Variants in AGMO observed in about 807,000 individuals in gnomAD.
AGMO encodes the protein alkylglycerol monooxygenase.
AGMO carries 75 observed loss-of-function variants against 60.2 expected under a neutral mutation model. That is an observed-to-expected ratio of 1.25 (90% CI 1.03 to 1.51). The LOEUF (loss-of-function observed/expected upper bound fraction) is 1.51. AGMO is among the 40% of genes most tolerant of loss of function. The pLI is 0.00. For missense variants in AGMO, 763 were observed against 525.5 expected (o/e 1.45, Z -4.42); for synonymous variants, 261 against 177.1 (o/e 1.47, Z -3.76).
At chr7:15,216,781 T>A (rs974006596) in intron 12 of AGMO, among the ~76,000 whole-genome samples, 1 of 151,782 alleles carries the variant, frequency 6.6e-6, no homozygotes, top group Non-Finnish European at 1.5e-5. Flanking sequence ...CACATATCAA[T>A]TGAGCATGCA....
intron 3 of AGMO, among the ~76,000 whole-genome samples, chr7:15,521,600 A>G (rs532113417): frequency 8.5e-5 from 13 of 152,192 alleles, no homozygotes; most frequent in Non-Finnish European, 1.9e-4. Context: ...CAAAAAACAC[A>G]TGATTATCTC....
At chr7:15,163,997 G>C in the AGMO span, among the ~76,000 whole-genome samples, 1 of 151,786 alleles carries the variant, frequency 6.6e-6, no homozygotes. Context: ...CTTATTACTG[G>C]CTCTGTAAGG....
intron 12 of AGMO, among the ~76,000 whole-genome samples, chr7:15,352,346 T>C (rs1782272628): frequency 6.6e-6 from 1 of 152,156 alleles, no homozygotes; most frequent in South Asian, 2.1e-4. Context: ...TTTTACCGCC[T>C]GAAACTGCAG....
the AGMO span, among the ~76,000 whole-genome samples, chr7:15,155,740 GT>G: frequency 1.3e-5 from 2 of 152,082 alleles, no homozygotes; most frequent in African/African-American, 2.4e-5. Context: ...TCTTGCACTG[GT>G]TGTTTCTCAT....
intron 10 of AGMO, among the ~76,000 whole-genome samples, chr7:15,369,963 G>GT (rs1203643752): frequency 6.6e-6 from 1 of 152,064 alleles, no homozygotes; most frequent in Non-Finnish European, 1.5e-5. Context: ...TGTTACATTA[G>GT]TATATTGCCT....
At chr7:15,156,046 G>A in the AGMO span, among the ~76,000 whole-genome samples, 11 of 152,204 alleles carry the variant, frequency 7.2e-5, no homozygotes, top group Non-Finnish European at 1.6e-4. Context: ...TGGCAACTAC[G>A]CTCTAATGGG....
At chr7:15,190,135 A>T in the AGMO span, among the ~76,000 whole-genome samples, 3 of 1,596 alleles carry the variant, frequency 1.9e-3, no homozygotes, top group Non-Finnish European at 4.0e-3. Flanking sequence ...ATTTATATAT[A>T]TATATATATA....
intron 10 of AGMO, among the ~76,000 whole-genome samples, chr7:15,377,972 C>T (rs1407054986): frequency 6.6e-6 from 1 of 151,962 alleles, no homozygotes; most frequent in Non-Finnish European, 1.5e-5. Context: ...ATTTTGGGGG[C>T]TAAAGCCAAA....
At chr7:15,398,587 C>G (rs527429826) in intron 5 of AGMO, among the ~76,000 whole-genome samples, 1 of 152,258 alleles carries the variant, frequency 6.6e-6, no homozygotes, top group East Asian at 1.9e-4. Flanking sequence ...GCTTAATTAT[C>G]GCCTATTTTT....
the AGMO span, among the ~76,000 whole-genome samples, chr7:15,136,645 G>A: frequency 2.6e-5 from 4 of 151,976 alleles, no homozygotes; most frequent in African/African-American, 9.7e-5. Context: ...GAAAAATAAC[G>A]TGTTTTCTTA....
chr7:15,338,923 G>T (rs2128548042), intron 12 of AGMO, among the ~76,000 whole-genome samples: 1 of 152,306 alleles, frequency 6.6e-6, no homozygotes, highest in Admixed American at 6.5e-5. Flanking sequence ...GTAGAAGGTT[G>T]GTTGGCAAGT....
chr7:15,503,948 A>G (rs1324418956), intron 3 of AGMO, among the ~76,000 whole-genome samples: 1 of 152,014 alleles, frequency 6.6e-6, no homozygotes, highest in Non-Finnish European at 1.5e-5. Context: ...TTTTCAGGTT[A>G]CAAAGGGAGA....
At chr7:15,118,355 T>C in the AGMO span, among the ~76,000 whole-genome samples, 1 of 152,150 alleles carries the variant, frequency 6.6e-6, no homozygotes, top group Admixed American at 6.6e-5. Context: ...GGGGAGATTA[T>C]AGTTACATGC....
chr7:15,120,276 G>A, the AGMO span, among the ~76,000 whole-genome samples: 5 of 152,136 alleles, frequency 3.3e-5, no homozygotes, highest in South Asian at 4.1e-4. Context: ...CACCAGTGAT[G>A]TTCAAACTGA....
chr7:15,408,183 T>C (rs1261518850), intron 5 of AGMO, among the ~76,000 whole-genome samples: 1 of 151,946 alleles, frequency 6.6e-6, no homozygotes, highest in East Asian at 1.9e-4. Context: ...GGCTGACTTA[T>C]GGGATGGGAT....
the AGMO span, among the ~76,000 whole-genome samples, chr7:15,154,761 A>G: frequency 6.6e-6 from 1 of 152,140 alleles, no homozygotes. Context: ...ATGTTTAGCA[A>G]TTCCTTAAGG....
chr7:15,227,068 G>C lies in AGMO; in HGVS notation c.1264-25709C>G, dbSNP rs1175162477. On this transcript the variant is annotated intron_variant, in intron 12 of 12. Transcript: ENST00000342526. Reference sequence around the variant, plus strand: ...CTTCCTTAACTTCATCTTTTTCCTAGAACCAGCTTACCTCGATTTTATTGT... The same window carrying C: ...CTTCCTTAACTTCATCTTTTTCCTACAACCAGCTTACCTCGATTTTATTGT... Among the ~76,000 whole-genome samples, 6 of 152,076 alleles carry C rather than the reference G, an allele frequency of 3.9e-5. No individual in the cohort carries two copies. The East Asian group carries it at 7.7e-4, about 20-fold the overall frequency.
intron 5 of AGMO, among the ~76,000 whole-genome samples, chr7:15,396,812 G>T (rs1219831503): frequency 6.6e-6 from 1 of 152,080 alleles, no homozygotes; most frequent in African/African-American, 2.4e-5. Context: ...ACAGAGAGCT[G>T]ATTGGTCCAT....
chr7:15,267,337 C>T (rs1307037129), intron 12 of AGMO, among the ~76,000 whole-genome samples: 1 of 151,734 alleles, frequency 6.6e-6, no homozygotes, highest in Non-Finnish European at 1.5e-5. Flanking sequence ...TAGCTAGTAT[C>T]AGTATTAAGT....
Sources: allele counts gnomAD v4.1 joint callset (sites outside exome capture counted in the v4.1 genomes callset), GRCh38; gene constraint gnomAD v4.1.1; transcripts MANE v1.5; gene names NCBI Gene and HGNC (gene_info 2026-07-23, HGNC 2026-07-21).